LDB3: variants seen among roughly 807,000 people sequenced by gnomAD.
The protein encoded by LDB3 is LIM domain-binding protein 3.
LDB3 carries 49 observed loss-of-function variants against 69.0 expected under a neutral mutation model. That is an observed-to-expected ratio of 0.71 (90% confidence interval 0.56 to 0.90). The LOEUF is 0.90. LDB3 is among the 40% of genes least tolerant of loss of function. The probability of loss-of-function intolerance (pLI) is 0.00; values close to 1 mark genes in which losing one functional copy is unlikely to be tolerated. For missense variants in LDB3, 928 were observed against 974.1 expected (o/e 0.95, Z 0.63); for synonymous variants, 387 against 396.2 (o/e 0.98, Z 0.28).
In LDB3 at chr10:86,733,052, G is replaced by A; in HGVS notation, c.*76G>A. 4 of 1,028,686 alleles carry A rather than the reference G, an allele frequency of 3.9e-6. No individual in the cohort carries two copies. In the South Asian group the frequency reaches 4.0e-5, roughly 10 times the overall value. 63.7% of individuals were successfully genotyped at this position (1,028,686 alleles called of 1,614,324 possible). ...GCAACAAAGGATTCGGGAGGCTGAT[G>A]TTTCTTCTGAGGGGAATGGGGAGAG... is the stretch of plus-strand genomic sequence containing the variant. On this transcript the variant is annotated 3_prime_UTR_variant, in exon 14 of 14. Transcript: ENST00000361373.
At chr10:86,723,942 G>A (rs973151520) in intron 12 of LDB3, among the ~76,000 whole-genome samples, 7 of 152,320 alleles carry the variant, frequency 4.6e-5, no homozygotes, top group East Asian at 1.9e-4. Context: ...ATGAACATTG[G>A]AGTCCATCAG....
chr10:86,680,334 G>C (rs1398702833), intron 4 of LDB3, among the ~76,000 whole-genome samples, 177 bp downstream of exon 4: 1 of 152,238 alleles, frequency 6.6e-6, no homozygotes, highest in African/African-American at 2.4e-5. Flanking sequence ...CCTTGGGAGA[G>C]ACTTTCAAGC....
rs1443145402 is a variant in LDB3 at position 86,711,766 on chromosome 10, G to GGGC, written c.1231+1727_1231+1729dup. Among the ~76,000 whole-genome samples the GGGC allele has an allele frequency of 3.3e-5, 5 of 149,934 alleles. No homozygotes were observed. The East Asian group carries it at 9.9e-4, about 30-fold the overall frequency. On this transcript the variant is annotated intron_variant, in intron 9 of 13. Coordinates refer to ENST00000361373, the MANE Select transcript of LDB3 (RefSeq NM_007078.3). ...GAACACCTGAGGCCCGGGAGGGGGC[G>GGGC]GGCGGCGGCGGCGCGGAGACCCTGC...
At chr10:86,685,806 A>G in intron 5 of LDB3, 2 of 1,286,352 alleles carry the variant, frequency 1.6e-6, no homozygotes, top group Non-Finnish European at 2.3e-6. Flanking sequence ...GTGTACATGT[A>G]TGTGCATATG....
rs1210788239 is a variant in LDB3 at position 86,692,996 on chromosome 10, G to A, written c.896+425G>A. 2.0e-5 allele frequency among the ~76,000 whole-genome samples: 3 copies of A among 152,210 alleles called. No homozygotes were observed. The East Asian group carries it at 5.8e-4, about 29-fold the overall frequency. Reference sequence around the variant, plus strand: ...AAACAGGCACACAGGGGGCTGTGCTGGACGTGAACGCCTGACCCCTGGACT... The same window carrying A: ...AAACAGGCACACAGGGGGCTGTGCTAGACGTGAACGCCTGACCCCTGGACT... On this transcript the variant is annotated intron_variant, in intron 7 of 13. Coordinates refer to ENST00000361373, the MANE Select transcript of LDB3 (RefSeq NM_007078.3).
chr10:86,722,558 C>CCAATTCAAGCCACTTTAATAG, intron 12 of LDB3, among the ~76,000 whole-genome samples: 2 of 109,486 alleles, frequency 1.8e-5, no homozygotes. Context: ...CCGTGCCTGG[C>CCAATTCAAGCCACTTTAATAG]CTTTTTTTTT....
chr10:86,690,065 G>GA (rs1845686032), intron 5 of LDB3, among the ~76,000 whole-genome samples: 1 of 152,170 alleles, frequency 6.6e-6, no homozygotes, highest in Non-Finnish European at 1.5e-5. Context: ...ATGCTTTCTT[G>GA]AACCCTTGGA....
At chr10:86,726,523 C>CT in intron 13 of LDB3, 1 of 487,076 alleles carries the variant, frequency 2.1e-6, no homozygotes, top group South Asian at 2.0e-5. Flanking sequence ...AGCGGCTTGT[C>CT]TCACCAGCAG....
chr10:86,688,406 A>G (rs973863469), intron 5 of LDB3, among the ~76,000 whole-genome samples: 27 of 152,254 alleles, frequency 1.8e-4, no homozygotes, highest in Admixed American at 6.5e-4. Flanking sequence ...CCCAGCCCCA[A>G]GGGTGGAACA....
At chr10:86,721,315 A>T (rs1471466009) in intron 12 of LDB3, among the ~76,000 whole-genome samples, 1 of 152,202 alleles carries the variant, frequency 6.6e-6, no homozygotes, top group Admixed American at 6.5e-5. Flanking sequence ...CGTCATTTTA[A>T]TCAACAATTT....
chr10:86,705,730 T>C (rs1846415950), intron 7 of LDB3, among the ~76,000 whole-genome samples: 1 of 152,202 alleles, frequency 6.6e-6, no homozygotes, highest in South Asian at 2.1e-4. Context: ...GTCTTTCAGA[T>C]CTGCAGGTGC....
intron 12 of LDB3, among the ~76,000 whole-genome samples, chr10:86,722,546 C>T (rs1334360007): frequency 1.0e-4 from 15 of 148,112 alleles, no homozygotes; most frequent in Admixed American, 3.4e-4. Context: ...AGGCGTGAGC[C>T]ACCGTGCCTG....
At chr10:86,680,528 C>T (rs911572292) in intron 4 of LDB3, among the ~76,000 whole-genome samples, 3 of 152,202 alleles carry the variant, frequency 2.0e-5, no homozygotes, top group East Asian at 3.9e-4. Flanking sequence ...AGGGGGCCAC[C>T]GCTGGGTGAC....
At chr10:86,716,255 C>A in intron 9 of LDB3, 72 bp from the exon 10 acceptor site, 1 of 1,558,372 alleles carries the variant, frequency 6.4e-7, no homozygotes, top group Non-Finnish European at 8.8e-7. Flanking sequence ...ATTTCTCTGG[C>A]TAGGAGTGAG....
Position 86,681,537 on chromosome 10 carries a change from C to A in LDB3, c.423C>A (p.Thr141=), listed in dbSNP as rs1253491293. Residue 141 remains threonine (T), a synonymous_variant, in exon 5 of 14, where the codon ACC becomes ACA. Coordinates refer to ENST00000361373, the MANE Select transcript of LDB3 (RefSeq NM_007078.3). ...GTPGTPELRP[T]FSPAFSRPSA... is the part of the protein sequence containing the mutation. ...CAGGCACCCCGGAGCTCAGGCCCACCTTTAGCCCTGCCTTCTCCCGGCCCT... is the reference window on the plus strand; with the variant it reads ...CAGGCACCCCGGAGCTCAGGCCCACATTTAGCCCTGCCTTCTCCCGGCCCT... The A allele has an allele frequency of 3.7e-6, 6 of 1,612,718 alleles. No homozygotes were observed. The highest frequency in any genetic ancestry group is 4.2e-6 in the Non-Finnish European group (5 of 1,179,826).
chr10:86,697,486 C>G (rs574338546), intron 7 of LDB3, among the ~76,000 whole-genome samples: 7 of 150,664 alleles, frequency 4.6e-5, no homozygotes, highest in Admixed American at 4.6e-4. Flanking sequence ...CTCCCAAAGT[C>G]CTGGGATTAC....
At chr10:86,721,206 C>T (rs1332876459) in intron 12 of LDB3, among the ~76,000 whole-genome samples, 5 of 152,188 alleles carry the variant, frequency 3.3e-5, no homozygotes, top group African/African-American at 9.6e-5. Context: ...AATAAAGGTT[C>T]CAATTTCTCC....
At chr10:86,713,462 C>T (rs958635809) in intron 9 of LDB3, among the ~76,000 whole-genome samples, 10 of 152,152 alleles carry the variant, frequency 6.6e-5, no homozygotes, top group Admixed American at 5.9e-4. Context: ...CCAGGCTGAT[C>T]TCGAACTCCT....
intron 2 of LDB3, among the ~76,000 whole-genome samples, chr10:86,675,123 T>C (rs1312414446): frequency 6.6e-6 from 1 of 152,166 alleles, no homozygotes; most frequent in Non-Finnish European, 1.5e-5. Flanking sequence ...CACTTCCCTC[T>C]GGTCAGAGGC....
Sources: allele counts gnomAD v4.1 joint callset (sites outside exome capture counted in the v4.1 genomes callset), GRCh38; gene constraint gnomAD v4.1.1; transcripts MANE v1.5; gene names NCBI Gene and HGNC (gene_info 2026-07-23, HGNC 2026-07-21).